Variants in IQCB1 observed in about 807,000 individuals in gnomAD.
IQCB1 encodes the protein IQ calmodulin-binding motif-containing protein 1.
In IQCB1, 56 loss-of-function variants were observed where a neutral mutation model predicts 84.4. That is an observed-to-expected ratio of 0.66 (90% confidence interval 0.54 to 0.83). The LOEUF (loss-of-function observed/expected upper bound fraction) is 0.83. Among genes scored for constraint, IQCB1 ranks in the 40% least tolerant of loss-of-function variants. IQCB1 has a pLI of 0.00. For synonymous variants in IQCB1, 210 were observed against 234.8 expected (o/e 0.89, Z 0.96); for missense variants, 629 against 682.1 (o/e 0.92, Z 0.87).
intron 5 of IQCB1, among the ~76,000 whole-genome samples, chr3:121,824,196 C>T (rs1950372674): frequency 6.6e-6 from 1 of 152,042 alleles, no homozygotes; most frequent in Non-Finnish European, 1.5e-5. Flanking sequence ...CCAGTGGATG[C>T]CTGAAGGTGT....
chr3:121,776,065 A>T (rs1948213287), intron 13 of IQCB1, among the ~76,000 whole-genome samples: 1 of 151,586 alleles, frequency 6.6e-6, no homozygotes, highest in Admixed American at 6.6e-5. Flanking sequence ...TTTTTCTTTA[A>T]AAATTTTTTT....
intron 2 of IQCB1, among the ~76,000 whole-genome samples, chr3:121,830,070 T>A (rs911495707): frequency 5.3e-5 from 8 of 152,004 alleles, no homozygotes; most frequent in African/African-American, 1.9e-4. Context: ...CAGCTGGGCA[T>A]GGTGGCGCGT....
In IQCB1 at chr3:121,769,782, A is replaced by G. The variant is rs1462097605; in HGVS notation, c.*563T>C. The stretch of plus-strand genomic sequence containing the variant: ...TACATTATGTAGTTCTCACAGTTTA[A>G]TAGAAAGAATGCATTTTTTTGGTAT... On this transcript the variant is annotated 3_prime_UTR_variant, in exon 15 of 15. Coordinates refer to ENST00000310864, the MANE Select transcript of IQCB1 (RefSeq NM_001023570.4). 6.5e-6 allele frequency: 1 copy of G among 153,522 alleles called. No homozygotes were observed. The highest frequency in any genetic ancestry group is 1.5e-5 in the Non-Finnish European group (1 of 68,946). The allele number at this position is 153,522 out of a possible 1,614,324, so 9.5% of individuals were successfully genotyped here. A position where few individuals can be genotyped will look rare whatever the true frequency, so the allele number is the denominator to read the frequency against.
At chr3:121,832,353 G>GTTTTGTTTT in intron 2 of IQCB1, among the ~76,000 whole-genome samples, 1 of 143,814 alleles carries the variant, frequency 7.0e-6, no homozygotes. Context: ...TTGAGAGAGA[G>GTTTTGTTTT]TCTGACTCTG....
chr3:121,789,417 G>C (rs1948866611), intron 11 of IQCB1, among the ~76,000 whole-genome samples: 1 of 152,128 alleles, frequency 6.6e-6, no homozygotes. Flanking sequence ...ATGGAGACCA[G>C]ATTTGAGACT....
intron 7 of IQCB1, among the ~76,000 whole-genome samples, chr3:121,802,060 T>C (rs1949428200): frequency 6.6e-6 from 1 of 152,040 alleles, no homozygotes; most frequent in South Asian, 2.1e-4. Context: ...AACATTTCTA[T>C]CTATGTTTAT....
chr3:121,802,477 G>A (rs1009314456), intron 7 of IQCB1, among the ~76,000 whole-genome samples: 4 of 151,952 alleles, frequency 2.6e-5, no homozygotes, highest in Non-Finnish European at 5.9e-5. Flanking sequence ...ACTCTGTTAC[G>A]ATGTTACCTC....
intron 9 of IQCB1, 21 bp from the exon 10 acceptor site, chr3:121,795,587 T>G (rs1274983018): frequency 5.6e-6 from 8 of 1,417,090 alleles, no homozygotes; most frequent in Non-Finnish European, 8.0e-6. Flanking sequence ...GAAAATAATT[T>G]AGAGATATCT....
chr3:121,824,155 C>G (rs1343994066), intron 5 of IQCB1, among the ~76,000 whole-genome samples: 2 of 152,154 alleles, frequency 1.3e-5, no homozygotes, highest in Non-Finnish European at 2.9e-5. Context: ...ATAGTCTCCC[C>G]CTTATCCATG....
At chr3:121,830,242 T>C (rs1458972026) in intron 2 of IQCB1, among the ~76,000 whole-genome samples, 1 of 151,134 alleles carries the variant, frequency 6.6e-6, no homozygotes, top group Non-Finnish European at 1.5e-5. Context: ...AAGTAAATAG[T>C]ATATTGAATA....
intron 9 of IQCB1, 50 bp from the exon 10 acceptor site, chr3:121,795,616 A>AG: frequency 9.4e-7 from 1 of 1,068,430 alleles, no homozygotes; most frequent in Non-Finnish European, 1.4e-6. Flanking sequence ...GTCTTTAAAA[A>AG]AAAAAAAAAG....
intron 5 of IQCB1, among the ~76,000 whole-genome samples, chr3:121,816,976 A>T (rs1032853164): frequency 1.3e-5 from 2 of 152,216 alleles, no homozygotes; most frequent in Non-Finnish European, 2.9e-5. Context: ...TTACTGCAGC[A>T]CTATTTACAA....
chr3:121,808,495 A>C (rs1307368211), intron 6 of IQCB1, among the ~76,000 whole-genome samples: 2 of 151,982 alleles, frequency 1.3e-5, no homozygotes, highest in Non-Finnish European at 2.9e-5. Flanking sequence ...AAGGTCATTA[A>C]ATAAAAGCTT....
chr3:121,776,780 T>C (rs1382452351), intron 13 of IQCB1, among the ~76,000 whole-genome samples: 1 of 152,232 alleles, frequency 6.6e-6, no homozygotes, highest in Non-Finnish European at 1.5e-5. Flanking sequence ...ATTTGTCATC[T>C]ATCTTTTGGT....
intron 14 of IQCB1, among the ~76,000 whole-genome samples, chr3:121,770,869 A>G (rs751905899): frequency 6.6e-6 from 1 of 152,068 alleles, no homozygotes; most frequent in Non-Finnish European, 1.5e-5. Flanking sequence ...TAGAGATCTC[A>G]CTATGCTGCC....
chr3:121,771,432 A>T (rs1947988037), intron 14 of IQCB1, among the ~76,000 whole-genome samples: 1 of 150,714 alleles, frequency 6.6e-6, no homozygotes, highest in Non-Finnish European at 1.5e-5. Context: ...GGGTTCAAGC[A>T]ATTCTCCTGC....
intron 8 of IQCB1, 78 bp from the exon 9 acceptor site, chr3:121,797,305 G>C (rs1949238315): frequency 1.5e-6 from 1 of 663,836 alleles, no homozygotes; most frequent in African/African-American, 1.9e-5. Flanking sequence ...GTATTAATTT[G>C]AAGCTAAAAA....
chr3:121,787,452 T>C (rs558836397), intron 12 of IQCB1, among the ~76,000 whole-genome samples: 10 of 152,108 alleles, frequency 6.6e-5, no homozygotes, highest in Non-Finnish European at 1.2e-4. Context: ...CACAGAAAGA[T>C]TGCTATTTAA....
At chr3:121,831,179 AT>A (rs71133577) in intron 2 of IQCB1, among the ~76,000 whole-genome samples, 1 of 129,576 alleles carries the variant, frequency 7.7e-6, no homozygotes, top group Non-Finnish European at 1.6e-5. Context: ...GTATCCTAGT[AT>A]TTTTTTTTGG....
Sources: gnomAD v4.1 joint callset for allele counts (sites outside exome capture counted in the v4.1 genomes callset) on GRCh38, gnomAD v4.1.1 for gene constraint, MANE v1.5 for transcripts, NCBI Gene and HGNC (gene_info 2026-07-23, HGNC 2026-07-21) for gene names.